RNASET2: variants seen among roughly 807,000 people sequenced by gnomAD.
RNASET2 encodes the protein ribonuclease T2, also known as ribonuclease 6.
Under a neutral mutation model 33.9 loss-of-function variants are expected in RNASET2, and 28 were observed. The observed-to-expected ratio is 0.83, with a 90% confidence interval of 0.61 to 1.13. RNASET2 has a LOEUF of 1.13. RNASET2 is among the 50% of genes most tolerant of loss of function. RNASET2 has a pLI of 0.00. For missense variants in RNASET2, 330 were observed against 319.9 expected, an observed-to-expected ratio of 1.03 and a Z score of -0.24; for synonymous variants, 123 against 121.0, an observed-to-expected ratio of 1.02 and a Z score of -0.11.
At position 166,939,027 on chromosome 6, in the gene RNASET2, A is replaced by G. The variant is rs1160212156; in HGVS notation, c.333-19T>C. ...ATGCTTCCTGTGAGGATTAGGAAAAATCTCCACTTAAAAGTAGTGAAACAG... is the reference window on the plus strand; with the variant it reads ...ATGCTTCCTGTGAGGATTAGGAAAAGTCTCCACTTAAAAGTAGTGAAACAG... On this transcript the variant is annotated intron_variant, in intron 5 of 8. Transcript: ENST00000508775. 4 of 1,578,418 alleles carry G rather than the reference A, an allele frequency of 2.5e-6. No individual in the cohort carries two copies. Among genetic ancestry groups the G allele is most frequent in the Non-Finnish European group, 3.5e-6 (4 of 1,151,064 alleles).
intron 7 of RNASET2, 94 bp from the exon 8 acceptor site, chr6:166,931,212 G>A (rs754109198): frequency 1.1e-5 from 10 of 904,240 alleles, no homozygotes; most frequent in Non-Finnish European, 1.7e-5. Context: ...GCAGGGTCCT[G>A]GTCTCCCTTG....
At position 166,956,212 on chromosome 6, in the gene RNASET2, G is replaced by T; in HGVS notation, c.-30C>A. The T allele has an allele frequency of 6.5e-7, 1 of 1,538,442 alleles. No individual in the cohort carries two copies. The highest frequency in any genetic ancestry group is 1.2e-5 in the South Asian group (1 of 83,776). On this transcript the variant is annotated 5_prime_UTR_variant, in exon 1 of 9. It adds an upstream start codon to the 5' untranslated region. Transcript: ENST00000508775. ...CCGACCTGCGGAGAGAACGCTGCCAGCTGCCGCTCCGGCTCCCACTTCCCA... is the reference window on the plus strand; with the variant it reads ...CCGACCTGCGGAGAGAACGCTGCCATCTGCCGCTCCGGCTCCCACTTCCCA...
intron 2 of RNASET2, among the ~76,000 whole-genome samples, chr6:166,950,462 T>C (rs911065246): frequency 2.6e-5 from 4 of 152,184 alleles, no homozygotes; most frequent in Admixed American, 2.0e-4. Context: ...TCATTTTCGT[T>C]TGTCATCAGA....
At chr6:166,938,681 A>T (rs759169789) in intron 6 of RNASET2, 2 of 761,080 alleles carry the variant, frequency 2.6e-6, no homozygotes. Context: ...AATACTCTGC[A>T]CCCACTCTGT....
intron 2 of RNASET2, among the ~76,000 whole-genome samples, chr6:166,951,413 C>G (rs1387026435): frequency 6.6e-6 from 1 of 152,218 alleles, no homozygotes; most frequent in African/African-American, 2.4e-5. Context: ...TATGGTGAAG[C>G]AGAGTCTGCT....
In RNASET2 at chr6:166,926,278, C is replaced by G. The variant is rs1778302619; in HGVS notation, c.*3310G>C. Among the ~76,000 whole-genome samples the G allele has an allele frequency of 6.6e-6, 1 of 151,666 alleles. No individual in the cohort carries two copies. Among genetic ancestry groups the G allele is most frequent in the South Asian group, 2.1e-4 (1 of 4,790 alleles). Reference sequence around the variant, plus strand: ...CTGGGCCAGGCGCGGTGGCTCACACCTATAATCCTAGCACTCTGGGAGGCT... The same window carrying G: ...CTGGGCCAGGCGCGGTGGCTCACACGTATAATCCTAGCACTCTGGGAGGCT... On this transcript the variant is annotated 3_prime_UTR_variant, in exon 9 of 9. Coordinates refer to ENST00000508775, the MANE Select transcript of RNASET2 (RefSeq NM_003730.6).
chr6:166,933,917 C>A lies in RNASET2; in HGVS notation c.492+174G>T. The A allele has an allele frequency of 1.5e-6, 1 of 664,234 alleles. No individual in the cohort carries two copies. 41.1% of individuals were successfully genotyped at this position (664,234 alleles called of 1,614,324 possible). A position where few individuals can be genotyped will look rare whatever the true frequency, so the allele number is the denominator to read the frequency against. ...TGGTCTAAGCAGCCTTCAGCTCCTA[C>A]TCAACATGCGCAGGAAAATAAAATG... On this transcript the variant is annotated intron_variant, in intron 7 of 8. Coordinates refer to ENST00000508775, the MANE Select transcript of RNASET2 (RefSeq NM_003730.6). The surrounding 1 kb of genome is among the most constrained non-coding windows in gnomAD (Gnocchi z 4.1).
Position 166,926,628 on chromosome 6 carries a change from A to G in RNASET2, c.*2960T>C, listed in dbSNP as rs933773362. Among the ~76,000 whole-genome samples, 1 of 152,036 alleles carries G rather than the reference A, an allele frequency of 6.6e-6. No individual in the cohort carries two copies. The highest frequency in any genetic ancestry group is 2.4e-5 in the African/African-American group (1 of 41,398). The stretch of plus-strand genomic sequence containing the variant: ...TTATTCAAGCGCATAATGATCTCCC[A>G]CTACTAGCTTGGAGAGAGGGATTGC... On this transcript the variant is annotated 3_prime_UTR_variant, in exon 9 of 9. Coordinates refer to ENST00000508775, the MANE Select transcript of RNASET2 (RefSeq NM_003730.6).
chr6:166,926,509 G>C lies in RNASET2; in HGVS notation c.*3079C>G, dbSNP rs1288581484. Reference sequence around the variant, plus strand: ...AGATCGCACCACTGCACTCCAGCCTGGGCGACAGAGTGAGACTCAGTCTCA... The same window carrying C: ...AGATCGCACCACTGCACTCCAGCCTCGGCGACAGAGTGAGACTCAGTCTCA... On this transcript the variant is annotated 3_prime_UTR_variant, in exon 9 of 9. Transcript: ENST00000508775. Among the ~76,000 whole-genome samples, 1 of 149,382 alleles carries C rather than the reference G, an allele frequency of 6.7e-6. No individual in the cohort carries two copies. Among genetic ancestry groups the C allele is most frequent in the Non-Finnish European group, 1.5e-5 (1 of 67,398 alleles).
At chr6:166,935,582 T>C (rs946185583) in intron 6 of RNASET2, among the ~76,000 whole-genome samples, 2 of 152,260 alleles carry the variant, frequency 1.3e-5, no homozygotes, top group African/African-American at 4.8e-5. Context: ...TCTGTGTCTA[T>C]GGGAACCCTG....
At chr6:166,932,627 A>C (rs947037414) in intron 7 of RNASET2, 1 of 152,240 alleles carries the variant, frequency 6.6e-6, no homozygotes, top group Non-Finnish European at 1.5e-5. Context: ...CTGGATGCAA[A>C]AGCAACAAAT....
chr6:166,924,522 T>G lies in RNASET2; in HGVS notation c.*5066A>C, dbSNP rs575167835. On this transcript the variant is annotated 3_prime_UTR_variant, in exon 9 of 9. Transcript: ENST00000508775. Reference sequence around the variant, plus strand: ...GCGAGTTGGACAAAGTCCGGGCCTTTGTAGTGTGACGTGGCCATTAGGGCC... The same window carrying G: ...GCGAGTTGGACAAAGTCCGGGCCTTGGTAGTGTGACGTGGCCATTAGGGCC... Among the ~76,000 whole-genome samples the G allele has an allele frequency of 2.0e-5, 3 of 152,322 alleles. No homozygotes were observed. The highest frequency in any genetic ancestry group is 2.9e-5 in the Non-Finnish European group (2 of 68,034).
chr6:166,938,153 C>A (rs1196442204), intron 6 of RNASET2, among the ~76,000 whole-genome samples: 1 of 152,242 alleles, frequency 6.6e-6, no homozygotes, highest in Non-Finnish European at 1.5e-5. Context: ...AACACAGAGG[C>A]TGTGCAATTG....
chr6:166,930,981 C>T (rs1219961664), intron 8 of RNASET2, 63 bp downstream of exon 8: 14 of 1,125,904 alleles, frequency 1.2e-5, no homozygotes, highest in Non-Finnish European at 1.9e-5. Context: ...GAAGACAAGG[C>T]CATCAGAAAA....
At position 166,925,827 on chromosome 6, in the gene RNASET2, C is replaced by T. The variant is rs1043043953; in HGVS notation, c.*3761G>A. Among the ~76,000 whole-genome samples the T allele has an allele frequency of 2.6e-5, 4 of 152,210 alleles. No individual in the cohort carries two copies. The highest frequency in any genetic ancestry group is 4.8e-5 in the African/African-American group (2 of 41,454). ...AGAGCACTCCAGGCCACCCAAACTG[C>T]GCGGAGAATCCAGGCACAAGGAAGT... On this transcript the variant is annotated 3_prime_UTR_variant, in exon 9 of 9. Transcript: ENST00000508775.
chr6:166,924,915 T>C lies in RNASET2; in HGVS notation c.*4673A>G, dbSNP rs1200265462. 1.3e-5 allele frequency among the ~76,000 whole-genome samples: 2 copies of C among 151,646 alleles called. No individual in the cohort carries two copies. The highest frequency in any genetic ancestry group is 2.1e-4 in the South Asian group (1 of 4,816). On this transcript the variant is annotated 3_prime_UTR_variant, in exon 9 of 9. Transcript: ENST00000508775. Reference sequence around the variant, plus strand: ...GAAGAGAGGCGGCTCATAGGAAGGGTTGAAAAAAGTGTGGAATGAATCAAT... The same window carrying C: ...GAAGAGAGGCGGCTCATAGGAAGGGCTGAAAAAAGTGTGGAATGAATCAAT...
At position 166,923,319 on chromosome 6, in the gene RNASET2, G is replaced by A. The variant is rs1228207218; in HGVS notation, c.*6269C>T. Among the ~76,000 whole-genome samples, 28 of 150,526 alleles carry A rather than the reference G, an allele frequency of 1.9e-4. No individual in the cohort carries two copies. Among genetic ancestry groups the A allele is most frequent in the Non-Finnish European group, 1.3e-4 (9 of 67,834 alleles). The stretch of plus-strand genomic sequence containing the variant: ...GCTCACTGCAGCCTCCACCTCCTGG[G>A]TTCAAGCCATCCTCTCACCTCAGCC... On this transcript the variant is annotated 3_prime_UTR_variant, in exon 9 of 9. Coordinates refer to ENST00000508775, the MANE Select transcript of RNASET2 (RefSeq NM_003730.6).
intron 2 of RNASET2, among the ~76,000 whole-genome samples, chr6:166,949,199 CA>C (rs1169530046): frequency 0.31 from 16,373 of 52,346 alleles, 1,486 homozygotes; most frequent in African/African-American, 0.48. Context: ...ACCGTGTCTC[CA>C]AAAAAAAAAA....
rs1778297528 is a variant in RNASET2 at position 166,925,886 on chromosome 6, G to T, written c.*3702C>A. On this transcript the variant is annotated 3_prime_UTR_variant, in exon 9 of 9. Coordinates refer to ENST00000508775, the MANE Select transcript of RNASET2 (RefSeq NM_003730.6). ...GAGCCCTCATGGGCTGTGGGGAGTG[G>T]GTGGAGGCACTGCCAACAGGGCAGG... Among the ~76,000 whole-genome samples the T allele has an allele frequency of 6.6e-6, 1 of 152,214 alleles. No homozygotes were observed. The highest frequency in any genetic ancestry group is 2.1e-4 in the South Asian group (1 of 4,828).
Sources: gnomAD v4.1 joint callset for allele counts (sites outside exome capture counted in the v4.1 genomes callset) on GRCh38, gnomAD v4.1.1 for gene constraint, Gnocchi (gnomAD v3.1) non-coding constraint, MANE v1.5 for transcripts, NCBI Gene and HGNC (gene_info 2026-07-23, HGNC 2026-07-21) for gene names.